RFX4: variants seen among roughly 807,000 people sequenced by gnomAD.
RFX4 encodes the protein regulatory factor X4.
RFX4 carries 10 observed loss-of-function variants against 95.0 expected under a neutral mutation model. The observed-to-expected ratio is 0.11, with a 90% confidence interval of 0.06 to 0.18. The LOEUF (loss-of-function observed/expected upper bound fraction) is 0.18. Among genes scored for constraint, RFX4 ranks in the 10% least tolerant of loss-of-function variants. The pLI is 1.00. For synonymous variants in RFX4, 321 were observed against 340.7 expected (o/e 0.94, Z 0.64); for missense variants, 640 against 922.0 (o/e 0.69, Z 3.96).
chr12:106,720,906 A>C lies in RFX4; in HGVS notation c.1351+30A>C. The C allele has an allele frequency of 1.2e-4, 187 of 1,585,358 alleles. No individual in the cohort carries two copies. Among genetic ancestry groups the C allele is most frequent in the Non-Finnish European group, 1.5e-4 (174 of 1,155,660 alleles). On this transcript the variant is annotated intron_variant, in intron 13 of 17. Coordinates refer to ENST00000392842, the MANE Select transcript of RFX4 (RefSeq NM_213594.3). This position sits in a 1 kb window ranked among gnomAD's most constrained non-coding sequence, Gnocchi z 4.2. The stretch of plus-strand genomic sequence containing the variant: ...GGCCACCCCAGCCCTCCCCATCTCC[A>C]AGCACTTTTTCCTCTGGGCACGGAG...
intron 3 of RFX4, among the ~76,000 whole-genome samples, chr12:106,652,685 C>T (rs1310694555): frequency 2.0e-5 from 3 of 152,174 alleles, no homozygotes; most frequent in African/African-American, 7.2e-5. Flanking sequence ...GGTCTGTGTC[C>T]CTAGGGTTGT....
chr12:106,727,852 A>C (rs775066266), intron 13 of RFX4, among the ~76,000 whole-genome samples: 2 of 152,054 alleles, frequency 1.3e-5, no homozygotes, highest in African/African-American at 2.4e-5. Flanking sequence ...AACTCCTGAC[A>C]TCATGATCTG....
intron 1 of RFX4, among the ~76,000 whole-genome samples, chr12:106,598,332 A>C (rs147919767): frequency 1.3e-5 from 2 of 152,332 alleles, no homozygotes; most frequent in African/African-American, 4.8e-5. Flanking sequence ...ACAATGATGA[A>C]TATGAAGACT....
intron 4 of RFX4, among the ~76,000 whole-genome samples, chr12:106,673,668 G>A (rs955765189): frequency 2.0e-5 from 3 of 152,130 alleles, no homozygotes; most frequent in Admixed American, 6.6e-5. Flanking sequence ...AAACTATCAC[G>A]AGGAGGAAAT....
At chr12:106,665,514 T>C (rs1470032945) in intron 4 of RFX4, among the ~76,000 whole-genome samples, 3 of 151,962 alleles carry the variant, frequency 2.0e-5, no homozygotes, top group African/African-American at 7.2e-5. Context: ...TGGATAATAT[T>C]TACCATATTT....
chr12:106,648,462 T>A (rs1450916910), intron 3 of RFX4, among the ~76,000 whole-genome samples: 1 of 150,994 alleles, frequency 6.6e-6, no homozygotes, highest in Non-Finnish European at 1.5e-5. Flanking sequence ...TGTAGACTAC[T>A]GTCTTGTCCT....
intron 15 of RFX4, among the ~76,000 whole-genome samples, chr12:106,740,323 C>T (rs916171238): frequency 6.6e-5 from 10 of 152,142 alleles, no homozygotes; most frequent in Admixed American, 1.3e-4. Context: ...GCAGCTAAAC[C>T]GAGTGGGATA....
At chr12:106,613,661 G>A (rs1242669446) in intron 2 of RFX4, among the ~76,000 whole-genome samples, 4 of 152,102 alleles carry the variant, frequency 2.6e-5, no homozygotes, top group Non-Finnish European at 5.9e-5. Context: ...ACCACGCCTG[G>A]CCTGCATCAA....
At chr12:106,718,235 T>C (rs1353881633) in intron 11 of RFX4, among the ~76,000 whole-genome samples, 2 of 152,204 alleles carry the variant, frequency 1.3e-5, no homozygotes, top group African/African-American at 2.4e-5. Flanking sequence ...AAGACCTTGA[T>C]TCAAACCTTG....
chr12:106,620,611 C>A (rs1376679146), intron 2 of RFX4, among the ~76,000 whole-genome samples: 10 of 152,128 alleles, frequency 6.6e-5, no homozygotes, highest in Non-Finnish European at 1.5e-4. Context: ...AGCAGAACTA[C>A]TGATGAGGGT....
At chr12:106,626,375 C>T (rs1049732683) in intron 2 of RFX4, among the ~76,000 whole-genome samples, 2 of 152,054 alleles carry the variant, frequency 1.3e-5, no homozygotes, top group African/African-American at 4.8e-5. Flanking sequence ...ATGGGAAAAT[C>T]GGGGGAGGCA....
chr12:106,750,893 C>T (rs991212370), intron 17 of RFX4, 100 bp downstream of exon 17: 15 of 1,060,400 alleles, frequency 1.4e-5, no homozygotes, highest in African/African-American at 8.2e-5. Context: ...GTGTGTGCAG[C>T]GTGTGTGTCC....
At chr12:106,636,654 C>A (rs372516165) in intron 2 of RFX4, among the ~76,000 whole-genome samples, 1 of 152,164 alleles carries the variant, frequency 6.6e-6, no homozygotes, top group Non-Finnish European at 1.5e-5. Context: ...TTTTACATTC[C>A]GTTCCTGAGA....
rs373638552 is a variant in RFX4, at chr12:106,732,489, C to G, written c.1471+240C>G. ...CCAAGGCGGGCAGCTCACTTCAGAC[C>G]AGAGTTCAAGACCAGCCTAGTCAAT... On this transcript the variant is annotated intron_variant, in intron 14 of 17. Transcript: ENST00000392842. Among the ~76,000 whole-genome samples the G allele has an allele frequency of 3.5e-3, 540 of 152,118 alleles. 2 individuals carry two copies. The highest frequency in any genetic ancestry group is 0.013 in the African/African-American group (523 of 41,486).
Position 106,643,047 on chromosome 12 carries a change from G to A in RFX4, c.191+3655G>A, listed in dbSNP as rs143166274. ...TACAGGGAGTTCTGAGGTGGAGATG[G>A]CCAGTTAAAAATGATCTGAATCAAA... On this transcript the variant is annotated intron_variant, in intron 3 of 17. Coordinates refer to ENST00000392842, the MANE Select transcript of RFX4 (RefSeq NM_213594.3). Among the ~76,000 whole-genome samples the A allele has an allele frequency of 4.7e-3, 711 of 152,318 alleles. 1 individual carries two copies. The highest frequency in any genetic ancestry group is 0.016 in the African/African-American group (668 of 41,562).
intron 17 of RFX4, among the ~76,000 whole-genome samples, chr12:106,756,296 G>A (rs1011514753): frequency 5.9e-5 from 9 of 152,190 alleles, no homozygotes; most frequent in Non-Finnish European, 1.0e-4. Context: ...ATCTTTCTGA[G>A]CCTCATTCAA....
chr12:106,601,823 C>G (rs1225613659), intron 1 of RFX4, among the ~76,000 whole-genome samples: 1 of 152,236 alleles, frequency 6.6e-6, no homozygotes, highest in African/African-American at 2.4e-5. Context: ...TTCCCAGAAC[C>G]ACCAGGCCTT....
chr12:106,700,454 T>G, intron 8 of RFX4, among the ~76,000 whole-genome samples: 1 of 146,904 alleles, frequency 6.8e-6, no homozygotes, highest in Non-Finnish European at 1.5e-5. Context: ...TCGCCCAGGC[T>G]GGAGTGCAGT....
intron 4 of RFX4, among the ~76,000 whole-genome samples, chr12:106,679,993 T>G (rs2041473728): frequency 6.6e-6 from 1 of 152,184 alleles, no homozygotes; most frequent in Non-Finnish European, 1.5e-5. Context: ...AGCTTGGATC[T>G]TCAGTTTACA....
Sources: allele counts gnomAD v4.1 joint callset (sites outside exome capture counted in the v4.1 genomes callset), GRCh38; gene constraint gnomAD v4.1.1; non-coding constraint Gnocchi (gnomAD v3.1); transcripts MANE v1.5; gene names NCBI Gene and HGNC (gene_info 2026-07-23, HGNC 2026-07-21).